The following ASIC2 variants were observed in gnomAD, a reference collection of about 807,000 sequenced individuals.
ASIC2 encodes acid-sensing ion channel 2.
In ASIC2, 25 loss-of-function variants were observed where a neutral mutation model predicts 57.3. The observed-to-expected ratio is 0.44, with a 90% confidence interval of 0.32 to 0.61. ASIC2 has a LOEUF of 0.61. Among genes scored for constraint, ASIC2 ranks in the 20% least tolerant of loss-of-function variants. The pLI, the probability that ASIC2 is intolerant of heterozygous loss-of-function variation, is 0.06. For missense variants in ASIC2, 641 were observed against 738.1 expected, an observed-to-expected ratio of 0.87 and a Z score of 1.52; for synonymous variants, 319 against 307.5, an observed-to-expected ratio of 1.04 and a Z score of -0.39.
intron 1 of ASIC2, among the ~76,000 whole-genome samples, chr17:33,600,193 C>T (rs963505153): frequency 6.6e-6 from 1 of 152,170 alleles, no homozygotes; most frequent in Admixed American, 6.5e-5. Context: ...TTGAATGTGT[C>T]CCCCAAAGTT....
chr17:33,043,359 T>C (rs1226381701), intron 3 of ASIC2, among the ~76,000 whole-genome samples: 1 of 152,262 alleles, frequency 6.6e-6, no homozygotes, highest in Non-Finnish European at 1.5e-5. Context: ...TAATCTTGGC[T>C]CTGCTATTAA....
At chr17:33,180,533 A>G (rs1905938972) in intron 1 of ASIC2, among the ~76,000 whole-genome samples, 1 of 151,358 alleles carries the variant, frequency 6.6e-6, no homozygotes, top group Non-Finnish European at 1.5e-5. Flanking sequence ...GCTTCACTGA[A>G]CTCCCTCCTT....
intron 1 of ASIC2, among the ~76,000 whole-genome samples, chr17:34,048,858 T>C (rs1485339391): frequency 2.0e-5 from 3 of 152,232 alleles, no homozygotes; most frequent in Admixed American, 1.3e-4. Flanking sequence ...GAAATATATT[T>C]ATTGATTGAC....
intron 1 of ASIC2, among the ~76,000 whole-genome samples, chr17:33,418,941 C>T (rs374988929): frequency 2.2e-5 from 2 of 90,216 alleles, no homozygotes; most frequent in African/African-American, 4.4e-5. Context: ...CATCACACAC[C>T]GGGGCCTGTC....
intron 1 of ASIC2, among the ~76,000 whole-genome samples, chr17:33,162,532 T>A (rs1444326234): frequency 6.6e-6 from 1 of 152,152 alleles, no homozygotes; most frequent in Non-Finnish European, 1.5e-5. Context: ...TGTCTACAAC[T>A]GAATCCCTGG....
chr17:33,039,958 A>G (rs1055917442), intron 3 of ASIC2, among the ~76,000 whole-genome samples: 1 of 152,196 alleles, frequency 6.6e-6, no homozygotes, highest in African/African-American at 2.4e-5. Flanking sequence ...ACATGGCAAC[A>G]TCCTTTCCCA....
intron 1 of ASIC2, among the ~76,000 whole-genome samples, chr17:34,014,491 T>C (rs1406166949): frequency 6.6e-6 from 1 of 152,170 alleles, no homozygotes; most frequent in Non-Finnish European, 1.5e-5. Flanking sequence ...GTGGGTAAAG[T>C]AAGAAAGGGT....
chr17:33,495,517 C>T (rs575699893), intron 1 of ASIC2, among the ~76,000 whole-genome samples: 1 of 152,338 alleles, frequency 6.6e-6, no homozygotes, highest in African/African-American at 2.4e-5. Flanking sequence ...TTCACCCCAT[C>T]TGGCAGTATG....
At chr17:33,385,828 A>G (rs1470431063) in intron 1 of ASIC2, among the ~76,000 whole-genome samples, 1 of 152,200 alleles carries the variant, frequency 6.6e-6, no homozygotes, top group Non-Finnish European at 1.5e-5. Context: ...TGGGCAGAGG[A>G]ATCCCTGTCT....
chr17:33,889,240 G>A (rs139857757), intron 1 of ASIC2, among the ~76,000 whole-genome samples: 24 of 152,168 alleles, frequency 1.6e-4, no homozygotes, highest in East Asian at 9.7e-4. Flanking sequence ...ACCCCCCCTC[G>A]TTTTTCAGAT....
At chr17:33,399,404 G>T (rs909840246) in intron 1 of ASIC2, among the ~76,000 whole-genome samples, 1 of 152,176 alleles carries the variant, frequency 6.6e-6, no homozygotes, top group Non-Finnish European at 1.5e-5. Context: ...AGGAGGGCTT[G>T]TCCTTGCAAT....
intron 1 of ASIC2, among the ~76,000 whole-genome samples, chr17:34,073,514 T>C (rs1449100778): frequency 1.3e-5 from 2 of 152,160 alleles, no homozygotes; most frequent in Non-Finnish European, 2.9e-5. Context: ...GAGAGCCAGG[T>C]TGTGGGATGC....
intron 3 of ASIC2, among the ~76,000 whole-genome samples, chr17:33,080,116 T>C (rs976166136): frequency 1.3e-5 from 2 of 151,988 alleles, no homozygotes; most frequent in South Asian, 2.1e-4. Flanking sequence ...TGCTGTAACC[T>C]GGGAGAGGAC....
intron 1 of ASIC2, among the ~76,000 whole-genome samples, chr17:33,543,415 G>T (rs59294499): frequency 0.095 from 14,450 of 152,212 alleles, 1,801 homozygotes; most frequent in African/African-American, 0.29. Context: ...TCCCTTTCAT[G>T]TGAGAGGTAG....
intron 1 of ASIC2, among the ~76,000 whole-genome samples, chr17:33,380,245 C>CAAAAAAAAAAAAA (rs10586872): frequency 8.2e-4 from 58 of 71,036 alleles, no homozygotes; most frequent in Non-Finnish European, 1.1e-3. Context: ...AACCCTGTCT[C>CAAAAAAAAAAAAA]AAAAAAAAAA....
intron 1 of ASIC2, chr17:34,038,927 T>A (rs759706928): frequency 9.4e-5 from 152 of 1,612,602 alleles, no homozygotes; most frequent in Non-Finnish European, 1.2e-4. Context: ...CTGAAAAGCA[T>A]AACCATCTGT....
At chr17:34,116,522 G>T (rs1005873925) in intron 1 of ASIC2, among the ~76,000 whole-genome samples, 7 of 152,154 alleles carry the variant, frequency 4.6e-5, no homozygotes, top group African/African-American at 1.7e-4. Context: ...TGTCTGCTAA[G>T]GTGTTAAAGA....
At chr17:33,098,446 C>A (rs2092193360) in intron 2 of ASIC2, among the ~76,000 whole-genome samples, 1 of 152,188 alleles carries the variant, frequency 6.6e-6, no homozygotes, top group African/African-American at 2.4e-5. Flanking sequence ...TGATTGCTCA[C>A]AGGTGATATT....
intron 1 of ASIC2, among the ~76,000 whole-genome samples, chr17:33,381,412 C>T (rs1909484032): frequency 6.6e-6 from 1 of 152,204 alleles, no homozygotes; most frequent in African/African-American, 2.4e-5. Context: ...GCTTTCATGC[C>T]CAGCAAGTCC....
Sources: gnomAD v4.1 joint callset for allele counts (sites outside exome capture counted in the v4.1 genomes callset) on GRCh38, gnomAD v4.1.1 for gene constraint, MANE v1.5 for transcripts, NCBI Gene and HGNC (gene_info 2026-07-23, HGNC 2026-07-21) for gene names.